CAMTA1: variants seen among roughly 807,000 people sequenced by gnomAD.
CAMTA1 encodes the protein calmodulin binding transcription activator 1, also known as calmodulin-binding transcription activator 1.
A neutral mutation model predicts 170.9 loss-of-function variants in CAMTA1; 27 were observed. The observed-to-expected ratio is 0.16, with a 90% CI of 0.12 to 0.22. The LOEUF (loss-of-function observed/expected upper bound fraction) is 0.22. CAMTA1 is among the 10% of genes least tolerant of loss of function. CAMTA1 has a pLI of 1.00. For synonymous variants in CAMTA1, 833 were observed against 891.5 expected, an observed-to-expected ratio of 0.93 and a Z score of 1.17; for missense variants, 1,619 against 2,217.2, an observed-to-expected ratio of 0.73 and a Z score of 5.42.
intron 3 of CAMTA1, among the ~76,000 whole-genome samples, chr1:6,950,479 A>C (rs2149472478): frequency 6.6e-6 from 1 of 152,250 alleles, no homozygotes. Flanking sequence ...AGACTATAAG[A>C]AGCAGCAGCC....
At chr1:7,595,693 G>T (rs1048002095) in intron 6 of CAMTA1, among the ~76,000 whole-genome samples, 30 of 152,338 alleles carry the variant, frequency 2.0e-4, no homozygotes, top group African/African-American at 7.0e-4. Context: ...TGAGGCCCAG[G>T]CTGGTTAATA....
chr1:7,661,874 G>A lies in CAMTA1; in HGVS notation c.805+8G>A, dbSNP rs766469920. The A allele has an allele frequency of 2.1e-5, 34 of 1,598,880 alleles. No homozygotes were observed. The highest frequency in any genetic ancestry group is 2.7e-5 in the African/African-American group (2 of 74,716). Reference sequence around the variant, plus strand: ...TCTGCACCGGCAGCCTGGGTGAGCCGGGGCTCCCGGGGCAGGCGGGCGCCA... The same window carrying A: ...TCTGCACCGGCAGCCTGGGTGAGCCAGGGCTCCCGGGGCAGGCGGGCGCCA... On this transcript the variant is annotated splice_region_variant and intron_variant, in intron 8 of 22. Coordinates refer to ENST00000303635, the MANE Select transcript of CAMTA1 (RefSeq NM_015215.4).
At chr1:7,062,929 C>T (rs906176089) in intron 3 of CAMTA1, among the ~76,000 whole-genome samples, 4 of 152,328 alleles carry the variant, frequency 2.6e-5, no homozygotes, top group East Asian at 1.9e-4. Context: ...CTTGCAGAGA[C>T]GTCAATCACA....
intron 6 of CAMTA1, among the ~76,000 whole-genome samples, chr1:7,607,776 A>C (rs1176386524): frequency 3.3e-5 from 5 of 152,220 alleles, no homozygotes; most frequent in African/African-American, 1.2e-4. Context: ...GTCACATCTT[A>C]AAGAGTGGAG....
chr1:6,899,904 G>A (rs577746383), intron 3 of CAMTA1, among the ~76,000 whole-genome samples: 99 of 152,332 alleles, frequency 6.5e-4, no homozygotes, highest in African/African-American at 2.2e-3. Context: ...TGTTGCCTCT[G>A]TGTTATACAA....
intron 3 of CAMTA1, among the ~76,000 whole-genome samples, chr1:6,878,686 G>T (rs944896065): frequency 6.6e-6 from 1 of 152,174 alleles, no homozygotes; most frequent in African/African-American, 2.4e-5. Flanking sequence ...GATCCCCAGC[G>T]ATTTGTTCTA....
chr1:7,353,037 C>T (rs1272582290), intron 5 of CAMTA1, among the ~76,000 whole-genome samples: 1 of 152,182 alleles, frequency 6.6e-6, no homozygotes, highest in Non-Finnish European at 1.5e-5. Flanking sequence ...CCCTTGACCG[C>T]CTGGTGAAAG....
chr1:7,129,440 T>C (rs928550856), intron 4 of CAMTA1, among the ~76,000 whole-genome samples: 2 of 152,150 alleles, frequency 1.3e-5, no homozygotes, highest in Non-Finnish European at 2.9e-5. Context: ...TTTAGAATAG[T>C]ACCATGTTCT....
intron 6 of CAMTA1, among the ~76,000 whole-genome samples, chr1:7,493,790 G>A (rs770280025): frequency 1.1e-4 from 17 of 152,342 alleles, no homozygotes; most frequent in African/African-American, 4.1e-4. Context: ...TCTATGAAAT[G>A]AGGCTGTTGG....
At chr1:7,611,953 G>A (rs1017488930) in intron 6 of CAMTA1, among the ~76,000 whole-genome samples, 5 of 152,252 alleles carry the variant, frequency 3.3e-5, no homozygotes, top group African/African-American at 4.8e-5. Context: ...GCTGCCATGC[G>A]CCCACTGGGA....
intron 3 of CAMTA1, among the ~76,000 whole-genome samples, chr1:7,023,778 A>G (rs1701676497): frequency 1.3e-5 from 2 of 152,208 alleles, no homozygotes; most frequent in Admixed American, 1.3e-4. Flanking sequence ...CTGTAATCCT[A>G]GCACTTTGGG....
Position 7,450,143 on chromosome 1 carries a change from T to A in CAMTA1, c.439-17687T>A, listed in dbSNP as rs544877250. 2.0e-4 allele frequency among the ~76,000 whole-genome samples: 31 copies of A among 152,158 alleles called. No homozygotes were observed. The East Asian group carries it at 4.5e-3, about 22-fold the overall frequency. ...AGGCCACCATCCCGCAAGCCATGGG[T>A]CTGAATCCCTGTGGAATGTGTACAA... On this transcript the variant is annotated intron_variant, in intron 5 of 22. Coordinates refer to ENST00000303635, the MANE Select transcript of CAMTA1 (RefSeq NM_015215.4).
chr1:7,027,812 A>T (rs1702217864), intron 3 of CAMTA1, among the ~76,000 whole-genome samples: 1 of 152,224 alleles, frequency 6.6e-6, no homozygotes, highest in African/African-American at 2.4e-5. Flanking sequence ...GCATGGATAC[A>T]AAGACCCTTA....
At chr1:6,906,153 A>G (rs1371107643) in intron 3 of CAMTA1, among the ~76,000 whole-genome samples, 1 of 150,056 alleles carries the variant, frequency 6.7e-6, no homozygotes, top group Non-Finnish European at 1.5e-5. Flanking sequence ...TGCTAAGAAG[A>G]GGGATTCCCT....
chr1:7,301,840 C>T (rs932597329), intron 5 of CAMTA1, among the ~76,000 whole-genome samples: 5 of 152,176 alleles, frequency 3.3e-5, no homozygotes, highest in Non-Finnish European at 7.3e-5. Flanking sequence ...GAGGCCTCCA[C>T]CTGTCCAGCC....
intron 3 of CAMTA1, among the ~76,000 whole-genome samples, chr1:6,939,837 A>G (rs927360259): frequency 2.0e-5 from 3 of 152,250 alleles, no homozygotes; most frequent in South Asian, 2.1e-4. Flanking sequence ...CCCTGCTTCA[A>G]TGCAAGCTCC....
chr1:7,211,882 T>C (rs998686857), intron 4 of CAMTA1, among the ~76,000 whole-genome samples: 3 of 152,228 alleles, frequency 2.0e-5, no homozygotes, highest in Non-Finnish European at 4.4e-5. Context: ...TTCATGGATG[T>C]GTGTAAAACC....
chr1:6,932,785 T>C (rs747878266), intron 3 of CAMTA1, among the ~76,000 whole-genome samples: 1 of 152,252 alleles, frequency 6.6e-6, no homozygotes, highest in East Asian at 1.9e-4. Flanking sequence ...CATACCCATG[T>C]ATCTTCTTTA....
chr1:7,328,557 T>C (rs1036850963), intron 5 of CAMTA1, among the ~76,000 whole-genome samples: 1 of 152,180 alleles, frequency 6.6e-6, no homozygotes, highest in African/African-American at 2.4e-5. Flanking sequence ...ACCACTGCCC[T>C]GTTTTTCTCT....
Sources: gnomAD v4.1 joint callset for allele counts (sites outside exome capture counted in the v4.1 genomes callset) on GRCh38, gnomAD v4.1.1 for gene constraint, MANE v1.5 for transcripts, NCBI Gene and HGNC (gene_info 2026-07-23, HGNC 2026-07-21) for gene names.